The following NOMO1 variants were observed in gnomAD, a reference collection of about 807,000 sequenced individuals.
NOMO1 encodes the protein nodal modulator 3.
NOMO1 carries 40 observed loss-of-function variants against 133.8 expected under a neutral mutation model. The ratio of observed to expected loss-of-function variants is 0.30; its 90% CI spans 0.23 to 0.39. The LOEUF is 0.39. Ranked by LOEUF, NOMO1 falls within the 10% of genes least tolerant of loss-of-function variation. The probability of loss-of-function intolerance (pLI) is 1.00; values close to 1 mark genes in which losing one functional copy is unlikely to be tolerated. For synonymous variants in NOMO1, 236 were observed against 570.5 expected (o/e 0.41, Z 8.36); for missense variants, 462 against 1,419.9 (o/e 0.33, Z 10.84).
intron 27 of NOMO1, among the ~76,000 whole-genome samples, chr16:14,885,331 A>G (rs1964307934): frequency 6.6e-6 from 1 of 151,716 alleles, no homozygotes; most frequent in Non-Finnish European, 1.5e-5. Context: ...TGGGCCAGTC[A>G]CTTCATTTCC....
intron 9 of NOMO1, among the ~76,000 whole-genome samples, chr16:14,855,650 C>T (rs1165705405): frequency 1.3e-5 from 2 of 151,988 alleles, no homozygotes; most frequent in African/African-American, 4.8e-5. Flanking sequence ...TACTTTGCTT[C>T]TCATAGCTTG....
intron 20 of NOMO1, 59 bp from the exon 21 acceptor site, chr16:14,876,300 A>G: frequency 1.9e-6 from 3 of 1,607,192 alleles, no homozygotes. Context: ...ACCCCCAACC[A>G]AGAAGCTCCT....
At position 14,857,488 on chromosome 16, in the gene NOMO1, G is replaced by T; in HGVS notation, c.1070-17G>T. ...TGTTTTTGGCTTATCTTCTGTTTGTGTGTTTTTGTTTTACAGTTAAAACAA... is the reference window on the plus strand; with the variant it reads ...TGTTTTTGGCTTATCTTCTGTTTGTTTGTTTTTGTTTTACAGTTAAAACAA... On this transcript the variant is annotated splice_polypyrimidine_tract_variant and intron_variant, in intron 10 of 30. Transcript: ENST00000287667. 6.2e-7 allele frequency: 1 copy of T among 1,608,328 alleles called. No individual in the cohort carries two copies. Among genetic ancestry groups the T allele is most frequent in the Non-Finnish European group, 8.5e-7 (1 of 1,177,584 alleles).
chr16:14,867,169 TA>T (rs1567543315), intron 15 of NOMO1, among the ~76,000 whole-genome samples: 13 of 21,136 alleles, frequency 6.2e-4, no homozygotes, highest in African/African-American at 1.5e-3. Context: ...TATATATATA[TA>T]TATATATTTT....
intron 18 of NOMO1, among the ~76,000 whole-genome samples, chr16:14,874,063 G>C (rs1305328680): frequency 2.7e-5 from 1 of 36,900 alleles, no homozygotes. Context: ...CAGCTTCCCA[G>C]CTGGGCTTCG....
intron 16 of NOMO1, among the ~76,000 whole-genome samples, chr16:14,870,043 T>C (rs1391283242): frequency 6.7e-6 from 1 of 150,266 alleles, no homozygotes; most frequent in Non-Finnish European, 1.5e-5. Flanking sequence ...CTCCTTAACC[T>C]GATCTTAGCT....
chr16:14,860,483 T>C (rs1050725354), intron 11 of NOMO1, among the ~76,000 whole-genome samples: 4 of 151,686 alleles, frequency 2.6e-5, no homozygotes, highest in Non-Finnish European at 5.9e-5. Context: ...AGGAAAGCCA[T>C]GGTGTGAATG....
intron 18 of NOMO1, 67 bp from the exon 19 acceptor site, chr16:14,874,969 A>T: frequency 1.2e-6 from 2 of 1,606,570 alleles, no homozygotes; most frequent in South Asian, 2.2e-5. Flanking sequence ...CCATACTCGT[A>T]GAAAGGTCAA....
At chr16:14,874,672 T>C (rs1393265412) in intron 18 of NOMO1, among the ~76,000 whole-genome samples, 3 of 152,092 alleles carry the variant, frequency 2.0e-5, no homozygotes, top group South Asian at 4.1e-4. Context: ...TTGTTGATGC[T>C]GTATCCTTGG....
chr16:14,860,607 G>T (rs1963910053), intron 11 of NOMO1, among the ~76,000 whole-genome samples: 1 of 151,856 alleles, frequency 6.6e-6, no homozygotes, highest in African/African-American at 2.4e-5. Context: ...AGGTCACATG[G>T]AGAACACACC....
In NOMO1 at chr16:14,846,016, T is replaced by C. The variant is rs1244866290; in HGVS notation, c.403-561T>C. Among the ~76,000 whole-genome samples, 4 of 144,740 alleles carry C rather than the reference T, an allele frequency of 2.8e-5. No individual in the cohort carries two copies. The East Asian group carries it at 8.0e-4, about 29-fold the overall frequency. The allele number at this position is 144,740 out of a possible 152,430, so 95.0% of individuals were successfully genotyped here. A position where few individuals can be genotyped will look rare whatever the true frequency, so the allele number is the denominator to read the frequency against. On this transcript the variant is annotated intron_variant, in intron 4 of 30. Coordinates refer to ENST00000287667, the MANE Select transcript of NOMO1 (RefSeq NM_014287.4). ...TAATTTTTATATTTTTATTTTTATG[T>C]ACATTTACTTTTTTTTTTTTTTTTT...
At chr16:14,837,422 C>T (rs567761456) in intron 1 of NOMO1, among the ~76,000 whole-genome samples, 7 of 152,220 alleles carry the variant, frequency 4.6e-5, no homozygotes, top group East Asian at 1.9e-4. Flanking sequence ...CTGAAGAAAC[C>T]GAACACGAGC....
chr16:14,866,896 T>G (rs1964004709), intron 15 of NOMO1, among the ~76,000 whole-genome samples: 1 of 149,754 alleles, frequency 6.7e-6, no homozygotes, highest in Non-Finnish European at 1.5e-5. Flanking sequence ...GGAGGTTTCC[T>G]TGTCCTGGCC....
In NOMO1 at chr16:14,845,376, T is replaced by C. The variant is rs537447818; in HGVS notation, c.402+602T>C. 8.9e-4 allele frequency among the ~76,000 whole-genome samples: 135 copies of C among 152,060 alleles called. 1 individual carries two copies. The highest frequency in any genetic ancestry group is 3.1e-3 in the African/African-American group (129 of 41,432). On this transcript the variant is annotated intron_variant, in intron 4 of 30. Transcript: ENST00000287667. ...TGTCAGGGATGGCCTTTTACAGGGA[T>C]GCCGAATTGGAAGGACGCACTCTCT... is the stretch of plus-strand genomic sequence containing the variant.
At position 14,846,579 on chromosome 16, in the gene NOMO1, C is replaced by T; in HGVS notation, c.405C>T (p.Val135=). 2.0e-6 allele frequency: 2 copies of T among 1,009,480 alleles called. No individual in the cohort carries two copies. Among genetic ancestry groups the T allele is most frequent in the Non-Finnish European group, 2.9e-6 (2 of 690,174 alleles). 62.5% of individuals were successfully genotyped at this position (1,009,480 alleles called of 1,614,324 possible). ...VFTGFSVNGK[V]LSKGQPLGPA... Reference sequence around the variant, plus strand: ...CCTAACTTTCTTCTCCATGGCAGGTCCTCAGCAAAGGGCAGCCCCTGGGTC... The same window carrying T: ...CCTAACTTTCTTCTCCATGGCAGGTTCTCAGCAAAGGGCAGCCCCTGGGTC... The change falls in exon 5 of 31, where the codon GTC becomes GTT. Residue 135 remains valine, a splice_region_variant and synonymous_variant. Transcript: ENST00000287667.
chr16:14,875,602 T>TTGGA (rs1166983816), intron 20 of NOMO1, among the ~76,000 whole-genome samples, 180 bp downstream of exon 20: 2,858 of 149,200 alleles, frequency 0.019, 8 homozygotes, highest in East Asian at 0.041. Context: ...GATGGTTGGG[T>TTGGA]TGGATGGATG....
intron 12 of NOMO1, 33 bp from the exon 13 acceptor site, chr16:14,864,552 G>A (rs374042735): frequency 1.9e-6 from 3 of 1,612,976 alleles, no homozygotes; most frequent in Non-Finnish European, 2.5e-6. Context: ...CTCCCCGAAT[G>A]CAGCCTCTAA....
At chr16:14,867,166 ATATATATATATTTTTTT>A (rs1160081962) in intron 15 of NOMO1, among the ~76,000 whole-genome samples, 25 of 22,874 alleles carry the variant, frequency 1.1e-3, no homozygotes, top group South Asian at 3.1e-3. Flanking sequence ...ATATATATAT[ATATATATATATTTTTTT>A]TTTTTTTTTT....
Position 14,875,041 on chromosome 16 carries a change from C to T in NOMO1, c.2060C>T (p.Ser687Phe), listed in dbSNP as rs372581153. ...MMDVTVTIKS[S>F]IDSEPALVLG... ...AGGGGCCGTCTTTCTTCTAGGTCTT[C>T]CATCGACAGTGAACCCGCCTTGGTC... The change falls in exon 19 of 31, where the codon TCC becomes TTC. Residue 687 changes from serine (S) to phenylalanine (F), a missense_variant. Physicochemically the swap from Ser to Phe is radical, Grantham distance 155 (BLOSUM62 -2). Coordinates refer to ENST00000287667, the MANE Select transcript of NOMO1 (RefSeq NM_014287.4). 5.1e-5 allele frequency: 82 copies of T among 1,613,706 alleles called. 1 individual carries two copies. The highest frequency in any genetic ancestry group is 6.2e-5 in the Non-Finnish European group (73 of 1,179,862).
Sources: gnomAD v4.1 joint callset for allele counts (sites outside exome capture counted in the v4.1 genomes callset) on GRCh38, gnomAD v4.1.1 for gene constraint, MANE v1.5 for transcripts, NCBI Gene and HGNC (gene_info 2026-07-23, HGNC 2026-07-21) for gene names.